NRXN3: variants seen among roughly 807,000 people sequenced by gnomAD.
NRXN3 encodes neurexin III.
A neutral mutation model predicts 137.6 loss-of-function variants in NRXN3; 32 were observed. That is an observed-to-expected ratio of 0.23 (90% CI 0.18 to 0.31). The LOEUF (loss-of-function observed/expected upper bound fraction) is 0.31. NRXN3 is among the 10% of genes least tolerant of loss of function. The pLI is 1.00. For synonymous variants in NRXN3, 798 were observed against 784.5 expected (o/e 1.02, Z -0.29); for missense variants, 1,574 against 2,062.5 (o/e 0.76, Z 4.59).
At chr14:78,772,703 A>G (rs1035528218) in intron 8 of NRXN3, among the ~76,000 whole-genome samples, 1 of 152,156 alleles carries the variant, frequency 6.6e-6, no homozygotes, top group Non-Finnish European at 1.5e-5. Context: ...GGGGCCTGGG[A>G]TTCTGCATTT....
intron 15 of NRXN3, among the ~76,000 whole-genome samples, chr14:79,274,456 A>C (rs1375659640): frequency 1.3e-5 from 2 of 152,218 alleles, no homozygotes; most frequent in African/African-American, 2.4e-5. Context: ...CTAAAACCGG[A>C]CAGAGATTTC....
chr14:79,203,098 G>A lies in NRXN3; in HGVS notation c.3262+214957G>A, dbSNP rs142502632. Among the ~76,000 whole-genome samples the A allele has an allele frequency of 2.0e-3, 298 of 152,200 alleles. 5 individuals carry two copies. Among genetic ancestry groups the A allele is most frequent in the African/African-American group, 7.0e-3 (289 of 41,524 alleles). ...CCAGAAAACTCCTCCTGTTGAAATG[G>A]AATCTTTCTTCCCATACCTTTCCTT... On this transcript the variant is annotated intron_variant, in intron 15 of 20. Coordinates refer to ENST00000335750, the MANE Select transcript of NRXN3 (RefSeq NM_001330195.2).
At chr14:79,687,903 C>T (rs765646185) in intron 17 of NRXN3, among the ~76,000 whole-genome samples, 5 of 152,052 alleles carry the variant, frequency 3.3e-5, no homozygotes, top group Non-Finnish European at 4.4e-5. Flanking sequence ...TGGAAATGGG[C>T]TTAGCTGAGT....
At chr14:79,679,743 T>G (rs890112339) in intron 17 of NRXN3, among the ~76,000 whole-genome samples, 2 of 152,222 alleles carry the variant, frequency 1.3e-5, no homozygotes, top group African/African-American at 4.8e-5. Context: ...TAGCGGAATC[T>G]GGGTGCCAGA....
At chr14:78,955,255 C>A (rs1006042007) in intron 10 of NRXN3, among the ~76,000 whole-genome samples, 2 of 152,118 alleles carry the variant, frequency 1.3e-5, no homozygotes, top group African/African-American at 4.8e-5. Flanking sequence ...TTTCTGAGAA[C>A]ATCTGTTCTT....
At chr14:79,496,791 C>A (rs1374293437) in intron 16 of NRXN3, among the ~76,000 whole-genome samples, 1 of 152,192 alleles carries the variant, frequency 6.6e-6, no homozygotes, top group Non-Finnish European at 1.5e-5. Flanking sequence ...CAGCACCAAA[C>A]CCTTGTCAGG....
chr14:79,834,930 C>T (rs1019192629), intron 20 of NRXN3, among the ~76,000 whole-genome samples: 3 of 152,094 alleles, frequency 2.0e-5, no homozygotes, highest in Non-Finnish European at 2.9e-5. Context: ...TGAAACTTCA[C>T]TCAACACATT....
chr14:79,099,707 C>A (rs781169446), intron 15 of NRXN3, among the ~76,000 whole-genome samples: 3 of 152,098 alleles, frequency 2.0e-5, no homozygotes, highest in Non-Finnish European at 2.9e-5. Flanking sequence ...GCAAAAACCT[C>A]TCAGATCTTA....
At chr14:79,653,796 T>G (rs1603353646) in intron 16 of NRXN3, among the ~76,000 whole-genome samples, 1 of 152,260 alleles carries the variant, frequency 6.6e-6, no homozygotes, top group East Asian at 1.9e-4. Context: ...CTGAGCCTAG[T>G]GAGAGAGAAC....
intron 19 of NRXN3, among the ~76,000 whole-genome samples, chr14:79,759,342 A>G (rs563058819): frequency 6.6e-6 from 1 of 151,798 alleles, no homozygotes; most frequent in East Asian, 1.9e-4. Context: ...GTCTTTTACT[A>G]TTGACAGTAT....
chr14:78,276,348 C>T (rs915087621), intron 2 of NRXN3, among the ~76,000 whole-genome samples: 9 of 152,144 alleles, frequency 5.9e-5, no homozygotes, highest in African/African-American at 2.2e-4. Flanking sequence ...AGCAGATGTC[C>T]TTATTCATAA....
intron 10 of NRXN3, among the ~76,000 whole-genome samples, chr14:78,941,856 TCGAGTTAGC>T (rs981559992): frequency 2.6e-5 from 4 of 152,200 alleles, no homozygotes; most frequent in African/African-American, 9.6e-5. Context: ...TTTGGGATTG[TCGAGTTAGC>T]CCTGAAGTGG....
chr14:78,534,399 A>G (rs554458849), intron 4 of NRXN3, among the ~76,000 whole-genome samples: 1 of 152,336 alleles, frequency 6.6e-6, no homozygotes, highest in Non-Finnish European at 1.5e-5. Flanking sequence ...GAATTTTTGC[A>G]TGTGTAAACT....
intron 4 of NRXN3, among the ~76,000 whole-genome samples, chr14:78,495,832 C>G (rs1045626814): frequency 6.6e-6 from 1 of 152,164 alleles, no homozygotes; most frequent in African/African-American, 2.4e-5. Flanking sequence ...GTTGCTGCCC[C>G]CATCAGTCTG....
chr14:78,628,810 C>T (rs2097492477), intron 4 of NRXN3, among the ~76,000 whole-genome samples: 1 of 152,174 alleles, frequency 6.6e-6, no homozygotes, highest in Admixed American at 6.5e-5. Context: ...CACAGAAGCC[C>T]TAGAAGATCA....
chr14:78,177,230 T>C (rs541660297), intron 1 of NRXN3, among the ~76,000 whole-genome samples: 1 of 152,332 alleles, frequency 6.6e-6, no homozygotes, highest in East Asian at 1.9e-4. Flanking sequence ...CCCAGTGTGC[T>C]TCATTTGTGT....
intron 4 of NRXN3, among the ~76,000 whole-genome samples, chr14:78,572,474 A>G (rs953675206): frequency 1.3e-5 from 2 of 152,156 alleles, no homozygotes; most frequent in African/African-American, 4.8e-5. Context: ...CAGAGCCCAC[A>G]ATGAGCTGTC....
intron 8 of NRXN3, among the ~76,000 whole-genome samples, chr14:78,790,560 T>C (rs2098802267): frequency 6.6e-6 from 1 of 152,204 alleles, no homozygotes; most frequent in Admixed American, 6.5e-5. Context: ...TAGATTTGCA[T>C]GCAGTTTAAG....
intron 1 of NRXN3, among the ~76,000 whole-genome samples, chr14:78,188,429 G>A (rs2060429810): frequency 6.6e-6 from 1 of 152,172 alleles, no homozygotes; most frequent in Non-Finnish European, 1.5e-5. Context: ...TGTGTTTAGA[G>A]CCTGATTTCT....
Sources: allele counts gnomAD v4.1 joint callset (sites outside exome capture counted in the v4.1 genomes callset), GRCh38; gene constraint gnomAD v4.1.1; transcripts MANE v1.5; gene names NCBI Gene and HGNC (gene_info 2026-07-23, HGNC 2026-07-21).